Variants in CYP24A1 observed in about 807,000 individuals in gnomAD.
The protein encoded by CYP24A1 is 1,25-dihydroxyvitamin D(3) 24-hydroxylase, mitochondrial.
CYP24A1 carries 68 observed loss-of-function variants against 62.4 expected under a neutral mutation model. The observed-to-expected ratio is 1.09, with a 90% confidence interval of 0.90 to 1.33. The LOEUF is 1.33. Ranked by LOEUF, CYP24A1 falls within the 40% of genes most tolerant of loss-of-function variation. The pLI is 0.00. For synonymous variants in CYP24A1, 267 were observed against 253.0 expected (o/e 1.06, Z -0.52); for missense variants, 787 against 653.0 (o/e 1.21, Z -2.24).
At chr20:54,144,364 C>T in the CYP24A1 span, among the ~76,000 whole-genome samples, 20 of 152,040 alleles carry the variant, frequency 1.3e-4, no homozygotes, top group African/African-American at 3.4e-4. Flanking sequence ...ATCCTCCTAC[C>T]TCAGTCTCCC....
intron 11 of CYP24A1, among the ~76,000 whole-genome samples, chr20:54,155,275 T>C (rs1165505145): frequency 6.6e-6 from 1 of 152,222 alleles, no homozygotes. Context: ...TGTAATTGCA[T>C]GTTTCTCTAA....
chr20:54,173,849 C>A lies in CYP24A1; in HGVS notation c.-270G>T. On this transcript the variant is annotated 5_prime_UTR_variant, in exon 1 of 12. It adds an upstream start codon to the 5' untranslated region. Transcript: ENST00000216862. The surrounding 1 kb of genome is among the most constrained non-coding windows in gnomAD (Gnocchi z 7.2). ...AAGAGGGTGGCCGGTGTCTGGGGAC[C>A]TCTTGAAAAGGGAAAGCTGGGAGTC... is the stretch of plus-strand genomic sequence containing the variant. 2 of 545,760 alleles carry A rather than the reference C, an allele frequency of 3.7e-6. No individual in the cohort carries two copies. The highest frequency in any genetic ancestry group is 3.3e-6 in the Non-Finnish European group (1 of 305,720). 33.8% of individuals were successfully genotyped at this position (545,760 alleles called of 1,614,324 possible).
At chr20:54,158,854 T>A in intron 8 of CYP24A1, 103 bp downstream of exon 8, 2 of 1,586,252 alleles carry the variant, frequency 1.3e-6, no homozygotes, top group Non-Finnish European at 1.7e-6. Context: ...TAATTGTTTC[T>A]AATTAGCTAG....
Position 54,169,724 on chromosome 20 carries a change from A to G in CYP24A1, c.544-36T>C, listed in dbSNP as rs756495527. The G allele has an allele frequency of 2.1e-4, 340 of 1,613,050 alleles. 1 individual carries two copies. Among genetic ancestry groups the G allele is most frequent in the Non-Finnish European group, 2.3e-4 (266 of 1,179,644 alleles). On this transcript the variant is annotated intron_variant, in intron 3 of 11. Coordinates refer to ENST00000216862, the MANE Select transcript of CYP24A1 (RefSeq NM_000782.5). Reference sequence around the variant, plus strand: ...AACAACCGCAAAAGACACATTTTAAAGCCGTTGAAGGAAAACAAAACTTTA... The same window carrying G: ...AACAACCGCAAAAGACACATTTTAAGGCCGTTGAAGGAAAACAAAACTTTA...
chr20:54,164,733 C>A (rs1433087212), intron 5 of CYP24A1, among the ~76,000 whole-genome samples, 170 bp from the exon 6 acceptor site: 1 of 151,834 alleles, frequency 6.6e-6, no homozygotes, highest in Non-Finnish European at 1.5e-5. Context: ...AATGCCCGTA[C>A]CCCACCTCCA....
rs2092703532 is a variant in CYP24A1 at position 54,173,653 on chromosome 20, G to A, written c.-74C>T. 3.9e-6 allele frequency: 4 copies of A among 1,018,232 alleles called. No individual in the cohort carries two copies. Among genetic ancestry groups the A allele is most frequent in the Non-Finnish European group, 5.8e-6 (4 of 686,260 alleles). 63.1% of individuals were successfully genotyped at this position (1,018,232 alleles called of 1,614,324 possible). On this transcript the variant is annotated 5_prime_UTR_variant, in exon 1 of 12. Coordinates refer to ENST00000216862, the MANE Select transcript of CYP24A1 (RefSeq NM_000782.5). The surrounding 1 kb of genome is among the most constrained non-coding windows in gnomAD (Gnocchi z 7.2). The stretch of plus-strand genomic sequence containing the variant: ...CGAGGTTGGTACGAGGTGCTAGTGG[G>A]AGTCGGGGCTTAACGATTCTGGGAA...
chr20:54,148,000 A>AT, the CYP24A1 span, among the ~76,000 whole-genome samples: 4,020 of 151,746 alleles, frequency 0.026, 184 homozygotes, highest in African/African-American at 0.093. Context: ...TGTCCAGCTA[A>AT]TTTTTTTGTA....
intron 6 of CYP24A1, among the ~76,000 whole-genome samples, chr20:54,163,464 T>C (rs2092659969): frequency 6.6e-6 from 1 of 152,248 alleles, no homozygotes; most frequent in African/African-American, 2.4e-5. Context: ...ATAATCATGC[T>C]GATCACATAT....
In CYP24A1 at chr20:54,154,235, T is replaced by C. The variant is rs975708473; in HGVS notation, c.*537A>G. 1.3e-5 allele frequency: 2 copies of C among 152,264 alleles called. No homozygotes were observed. Among genetic ancestry groups the C allele is most frequent in the Non-Finnish European group, 2.9e-5 (2 of 68,048 alleles). The allele number at this position is 152,264 out of a possible 1,614,324, so 9.4% of individuals were successfully genotyped here. Reference sequence around the variant, plus strand: ...CCCAGTGAATCACTAGTCTTATAAGTTGTTTGACTTCGTTAAAGTCCTTTT... The same window carrying C: ...CCCAGTGAATCACTAGTCTTATAAGCTGTTTGACTTCGTTAAAGTCCTTTT... On this transcript the variant is annotated 3_prime_UTR_variant, in exon 12 of 12. Coordinates refer to ENST00000216862, the MANE Select transcript of CYP24A1 (RefSeq NM_000782.5).
rs1601152763 is a variant in CYP24A1 at position 54,173,615 on chromosome 20, G to A, written c.-36C>T. On this transcript the variant is annotated 5_prime_UTR_variant, in exon 1 of 12. Coordinates refer to ENST00000216862, the MANE Select transcript of CYP24A1 (RefSeq NM_000782.5). This position sits in a 1 kb window ranked among gnomAD's most constrained non-coding sequence, Gnocchi z 7.2. ...GACACCGGAGCGCGGGAAGGCAGGA[G>A]GATGGGGTGGGGCGAGGTTGGTACG... is the stretch of plus-strand genomic sequence containing the variant. 2.0e-6 allele frequency: 3 copies of A among 1,513,920 alleles called. No homozygotes were observed. In the East Asian group the frequency reaches 7.1e-5, roughly 36 times the overall value. 93.8% of individuals were successfully genotyped at this position (1,513,920 alleles called of 1,614,324 possible).
chr20:54,161,791 G>C (rs2092651319), intron 7 of CYP24A1, among the ~76,000 whole-genome samples: 1 of 152,114 alleles, frequency 6.6e-6, no homozygotes, highest in African/African-American at 2.4e-5. Flanking sequence ...CCGCCTTGTG[G>C]AGCAGGAGGA....
chr20:54,168,790 T>TCTTCCTTC (rs1417268245), intron 4 of CYP24A1, among the ~76,000 whole-genome samples: 1 of 48,922 alleles, frequency 2.0e-5, no homozygotes, highest in Non-Finnish European at 4.1e-5. Flanking sequence ...CTCCCTCCCT[T>TCTTCCTTC]CTGCCTTCCC....
Position 54,157,531 on chromosome 20 carries a change from C to A in CYP24A1, c.1291G>T (p.Asp431Tyr). Residue 431 changes from aspartate to tyrosine, a missense_variant, in exon 10 of 12, where the codon GAT (aspartate) becomes TAT (tyrosine). Physicochemically the swap from Asp to Tyr is radical, Grantham distance 160. Coordinates refer to ENST00000216862, the MANE Select transcript of CYP24A1 (RefSeq NM_000782.5). Reference protein sequence around the residue: ...VLGSSEDNFEDSSQFRPERWL... With the variant: ...VLGSSEDNFEYSSQFRPERWL... ...CGTTCAGGTCTAAACTGACTTGAAT[C>A]TTCAAAATTGTCTTCACTGGATCCC... 3 of 1,605,814 alleles carry A rather than the reference C, an allele frequency of 1.9e-6. No homozygotes were observed. Among genetic ancestry groups the A allele is most frequent in the Non-Finnish European group, 2.6e-6 (3 of 1,172,392 alleles).
intron 5 of CYP24A1, 129 bp from the exon 6 acceptor site, chr20:54,164,692 C>A (rs774710666): frequency 6.5e-7 from 1 of 1,539,776 alleles, no homozygotes; most frequent in Non-Finnish European, 8.8e-7. Flanking sequence ...ACAAGGACAC[C>A]CCCGGCTCTC....
the CYP24A1 span, among the ~76,000 whole-genome samples, chr20:54,148,371 C>CAG: frequency 4.2e-5 from 4 of 95,942 alleles, no homozygotes; most frequent in Non-Finnish European, 8.0e-5. Flanking sequence ...GACACACAGA[C>CAG]ACACACACAC....
In CYP24A1 at chr20:54,173,803, T is replaced by C. The variant is rs1384988221; in HGVS notation, c.-224A>G. 1 of 588,698 alleles carries C rather than the reference T, an allele frequency of 1.7e-6. No individual in the cohort carries two copies. The highest frequency in any genetic ancestry group is 3.0e-6 in the Non-Finnish European group (1 of 330,292). The allele number at this position is 588,698 out of a possible 1,614,324, so 36.5% of individuals were successfully genotyped here. ...CAGCCTCAGAGCATTGGTGCCTCCT[T>C]GCACTGGCCGCAGGGGCTGGAAGAG... On this transcript the variant is annotated 5_prime_UTR_variant, in exon 1 of 12. Transcript: ENST00000216862. The surrounding 1 kb of genome is among the most constrained non-coding windows in gnomAD (Gnocchi z 7.2).
rs201825042 is a variant in CYP24A1, at chr20:54,162,849, G to A, written c.858C>T (p.Ile286=). The change falls in exon 7 of 12, where the codon ATC becomes ATT. Residue 286 remains isoleucine, a synonymous_variant. Transcript: ENST00000216862. ...GAGAATACTTCTCTAACCGGTTGTCGATACAAGCTTTGACTATTAGAGCAG... is the reference window on the plus strand; with the variant it reads ...GAGAATACTTCTCTAACCGGTTGTCAATACAAGCTTTGACTATTAGAGCAG... ...DTIFKSVKAC[I]DNRLEKYSQQ... is the part of the protein sequence containing the mutation. The A allele has an allele frequency of 1.3e-5, 20 of 1,575,766 alleles. No homozygotes were observed. The highest frequency in any genetic ancestry group is 8.3e-5 in the Admixed American group (5 of 59,950).
In CYP24A1 at chr20:54,157,400, CA is replaced by C. The variant is rs756800494; in HGVS notation, c.1421del (p.Leu474TrpfsTer102). The part of the protein sequence containing the change: ...GRRLAELQLH[L>X]ALCWIVRKYD... ...GTAAAGGTTTTACCCAACAAAGAGCCAAATGCAGTTGAAGCTCTGCTAATCG... is the reference window on the plus strand; with the variant it reads ...GTAAAGGTTTTACCCAACAAAGAGCCAATGCAGTTGAAGCTCTGCTAATCG... On this transcript the variant is annotated frameshift_variant, in exon 10 of 12. Coordinates refer to ENST00000216862, the MANE Select transcript of CYP24A1 (RefSeq NM_000782.5). LOFTEE classifies it high-confidence loss of function. 7 of 1,590,924 alleles carry C rather than the reference CA, an allele frequency of 4.4e-6. No homozygotes were observed. Among genetic ancestry groups the C allele is most frequent in the Admixed American group, 1.7e-5 (1 of 60,008 alleles).
chr20:54,168,323 C>T (rs1334719557), intron 4 of CYP24A1, among the ~76,000 whole-genome samples: 2 of 152,214 alleles, frequency 1.3e-5, no homozygotes, highest in Non-Finnish European at 2.9e-5. Flanking sequence ...GCGGTCATGT[C>T]CTCCCTCCCT....
Sources: allele counts gnomAD v4.1 joint callset (sites outside exome capture counted in the v4.1 genomes callset), GRCh38; gene constraint gnomAD v4.1.1; non-coding constraint Gnocchi (gnomAD v3.1); transcripts MANE v1.5; gene names NCBI Gene and HGNC (gene_info 2026-07-23, HGNC 2026-07-21).